Variants in FBXL5 observed in about 807,000 individuals in gnomAD.
FBXL5 encodes the protein F-box/LRR-repeat protein 5.
Under a neutral mutation model 78.3 loss-of-function variants are expected in FBXL5, and 26 were observed. The ratio of observed to expected loss-of-function variants is 0.33; its 90% CI spans 0.24 to 0.46. The LOEUF (loss-of-function observed/expected upper bound fraction) is 0.46, where lower values mean the gene tolerates loss of function less well. FBXL5 is among the 20% of genes least tolerant of loss of function. The pLI is 1.00. For synonymous variants in FBXL5, 295 were observed against 282.5 expected, an observed-to-expected ratio of 1.04 and a Z score of -0.45; for missense variants, 710 against 829.2, an observed-to-expected ratio of 0.86 and a Z score of 1.77.
intron 1 of FBXL5, among the ~76,000 whole-genome samples, chr4:15,650,660 T>C (rs1487472602): frequency 8.1e-6 from 1 of 124,172 alleles, no homozygotes; most frequent in African/African-American, 2.9e-5. Flanking sequence ...TAACTGACTT[T>C]CTTTTTTTTT....
At position 15,614,955 on chromosome 4, in the gene FBXL5, C is replaced by T. The variant is rs140838888; in HGVS notation, c.1851-2541G>A. 6.1e-3 allele frequency among the ~76,000 whole-genome samples: 931 copies of T among 152,238 alleles called. 9 individuals are homozygous for T. Among genetic ancestry groups the T allele is most frequent in the African/African-American group, 0.019 (795 of 41,546 alleles). On this transcript the variant is annotated intron_variant, in intron 9 of 10. Transcript: ENST00000341285. ...GAACCGGGGCTGCGTGCGGCGCTTG[C>T]GGGCCAGCTGGAGTTCCGGGTGGGC...
intron 5 of FBXL5, among the ~76,000 whole-genome samples, chr4:15,632,265 T>A (rs534492404): frequency 2.6e-5 from 4 of 152,162 alleles, no homozygotes; most frequent in Non-Finnish European, 4.4e-5. Flanking sequence ...TCTGTTCCAT[T>A]GGTCTATATC....
At chr4:15,681,332 G>C (rs1165111558) in intron 1 of FBXL5, 1 of 158,902 alleles carries the variant, frequency 6.3e-6, no homozygotes, top group Non-Finnish European at 1.5e-5. Context: ...GCTGGGGCGG[G>C]CGCGGGCCGG....
At chr4:15,666,258 G>A (rs921701392) in intron 1 of FBXL5, among the ~76,000 whole-genome samples, 1 of 152,030 alleles carries the variant, frequency 6.6e-6, no homozygotes, top group African/African-American at 2.4e-5. Context: ...AATTAGCCAG[G>A]TATGGTGGTG....
At position 15,625,858 on chromosome 4, in the gene FBXL5, T is replaced by A. The variant is rs1327160869; in HGVS notation, c.1244A>T (p.Gln415Leu). The A allele has an allele frequency of 1.2e-6, 2 of 1,614,036 alleles. No homozygotes were observed. Among genetic ancestry groups the A allele is most frequent in the African/African-American group, 1.3e-5 (1 of 74,940 alleles). ...TGTAGATGTTTTCAAAAAGCCACTT[T>A]GATGAGATGTCAGAATTCCAAGAGC... The part of the protein sequence containing the change: ...SRALGILTSH[Q>L]SGFLKTSTSK... Residue 415 changes from glutamine (Q) to leucine (L), a missense_variant, in exon 9 of 11, where the codon CAA becomes CTA. By Grantham distance (113) the Gln-to-Leu change is moderately radical. Transcript: ENST00000341285.
At chr4:15,627,129 CTCTTTTTTT>C (rs1713146038) in intron 7 of FBXL5, among the ~76,000 whole-genome samples, 174 bp from the exon 8 acceptor site, 1 of 85,660 alleles carries the variant, frequency 1.2e-5, no homozygotes, top group Non-Finnish European at 2.2e-5. Flanking sequence ...CCCTGAGAAT[CTCTTTTTTT>C]TTTTTTTTTT....
chr4:15,659,741 C>T (rs1235251602), upstream of FBXL5: 1 of 984,724 alleles, frequency 1.0e-6, no homozygotes. Flanking sequence ...CGTCATTTAC[C>T]TCTTAGTAAA....
At chr4:15,630,243 T>G (rs917893172) in intron 6 of FBXL5, among the ~76,000 whole-genome samples, 2 of 152,140 alleles carry the variant, frequency 1.3e-5, no homozygotes, top group African/African-American at 4.8e-5. Context: ...ATAACCTTAT[T>G]AGGCAAGTAT....
chr4:15,610,301 C>T (rs1228179226), intron 10 of FBXL5, among the ~76,000 whole-genome samples: 1 of 152,012 alleles, frequency 6.6e-6, no homozygotes, highest in Non-Finnish European at 1.5e-5. Flanking sequence ...TAAGAACAAC[C>T]TATGTGGAAC....
At chr4:15,628,126 T>C (rs1239364959) in intron 6 of FBXL5, 93 bp from the exon 7 acceptor site, 1 of 1,224,682 alleles carries the variant, frequency 8.2e-7, no homozygotes, top group African/African-American at 1.5e-5. Context: ...TGACATACTT[T>C]GTGCTATCCT....
At chr4:15,621,069 A>G (rs1193276843) in intron 9 of FBXL5, among the ~76,000 whole-genome samples, 2 of 151,956 alleles carry the variant, frequency 1.3e-5, no homozygotes, top group African/African-American at 4.8e-5. Context: ...TCACACCTCT[A>G]TATTTCTGTG....
At chr4:15,652,535 G>A (rs908971212) in intron 1 of FBXL5, among the ~76,000 whole-genome samples, 6 of 152,004 alleles carry the variant, frequency 3.9e-5, no homozygotes, top group African/African-American at 1.5e-4. Context: ...TATTAAATCG[G>A]GTATTGTACA....
Position 15,625,241 on chromosome 4 carries a change from T to G in FBXL5, c.1850+11A>C, listed in dbSNP as rs752365721. On this transcript the variant is annotated intron_variant, in intron 9 of 10. Transcript: ENST00000341285. ...CGTCTATTTCTTAATATTCTGGAAC[T>G]GATAACTCACCTGAGACCATGGTCT... 6 of 1,572,804 alleles carry G rather than the reference T, an allele frequency of 3.8e-6. No homozygotes were observed. In the Admixed American group the frequency reaches 1.1e-4, roughly 29 times the overall value.
At chr4:15,631,213 C>A (rs1250559039) in intron 5 of FBXL5, among the ~76,000 whole-genome samples, 1 of 152,164 alleles carries the variant, frequency 6.6e-6, no homozygotes, top group Non-Finnish European at 1.5e-5. Context: ...TGATGGTTTC[C>A]AGCTTCATCC....
intron 1 of FBXL5, among the ~76,000 whole-genome samples, chr4:15,679,807 A>C (rs1238078854): frequency 3.3e-5 from 5 of 151,544 alleles, no homozygotes; most frequent in African/African-American, 1.2e-4. Flanking sequence ...TTCTCTGCTG[A>C]TAGGAGTGTA....
At chr4:15,666,507 G>A (rs1182196954) in intron 1 of FBXL5, among the ~76,000 whole-genome samples, 1 of 152,158 alleles carries the variant, frequency 6.6e-6, no homozygotes, top group African/African-American at 2.4e-5. Context: ...GAGGCTGTGG[G>A]GGTGGGAATG....
intron 1 of FBXL5, among the ~76,000 whole-genome samples, chr4:15,652,001 C>A (rs1485192783): frequency 1.3e-5 from 2 of 152,162 alleles, no homozygotes; most frequent in African/African-American, 2.4e-5. Context: ...GATGTTATTA[C>A]ATACTGGACT....
chr4:15,617,826 A>G (rs969436499), intron 9 of FBXL5, among the ~76,000 whole-genome samples: 1 of 152,208 alleles, frequency 6.6e-6, no homozygotes, highest in African/African-American at 2.4e-5. Context: ...GGGTGGGAGT[A>G]AGGAGAGGAT....
chr4:15,658,482 T>A (rs1325378366), upstream of FBXL5, among the ~76,000 whole-genome samples: 1 of 152,214 alleles, frequency 6.6e-6, no homozygotes, highest in African/African-American at 2.4e-5. Context: ...GCTTAATTCA[T>A]TCATGGATTA....
Sources: gnomAD v4.1 joint callset for allele counts (sites outside exome capture counted in the v4.1 genomes callset) on GRCh38, gnomAD v4.1.1 for gene constraint, MANE v1.5 for transcripts, NCBI Gene and HGNC (gene_info 2026-07-23, HGNC 2026-07-21) for gene names.